The following PLCB4 variants were observed in gnomAD, a reference collection of about 807,000 sequenced individuals.
PLCB4 encodes the protein 1-phosphatidylinositol 4,5-bisphosphate phosphodiesterase beta-4.
Under a neutral mutation model 178.8 loss-of-function variants are expected in PLCB4, and 77 were observed. That is an observed-to-expected ratio of 0.43 (90% CI 0.36 to 0.52). PLCB4 has a LOEUF of 0.52. PLCB4 is among the 20% of genes least tolerant of loss of function. PLCB4 has a pLI of 0.00. For synonymous variants in PLCB4, 496 were observed against 490.8 expected (o/e 1.01, Z -0.14); for missense variants, 1,024 against 1,453.4 (o/e 0.70, Z 4.80).
chr20:9,339,167 C>T (rs1408111327), intron 7 of PLCB4, 130 bp downstream of exon 7: 3 of 748,482 alleles, frequency 4.0e-6, no homozygotes, highest in Non-Finnish European at 6.4e-6. Context: ...GCTTTGCTGA[C>T]ATGTTTCTGT....
chr20:9,264,827 C>T (rs1371229567), intron 3 of PLCB4, among the ~76,000 whole-genome samples: 3 of 152,238 alleles, frequency 2.0e-5, no homozygotes, highest in East Asian at 3.9e-4. Context: ...GCAGCCTGGA[C>T]TGTGGGATTT....
At chr20:9,085,650 C>T (rs999794505) in intron 1 of PLCB4, among the ~76,000 whole-genome samples, 4 of 152,136 alleles carry the variant, frequency 2.6e-5, no homozygotes, top group Non-Finnish European at 4.4e-5. Context: ...GCATTACTGC[C>T]TTGCTGACAC....
chr20:9,463,620 G>T (rs1175528317), intron 35 of PLCB4, among the ~76,000 whole-genome samples: 1 of 148,868 alleles, frequency 6.7e-6, no homozygotes, highest in Non-Finnish European at 1.5e-5. Context: ...AAAAAGCAGG[G>T]GTTGCAATCC....
chr20:9,198,224 G>A (rs1027647753), intron 2 of PLCB4, among the ~76,000 whole-genome samples: 1 of 152,054 alleles, frequency 6.6e-6, no homozygotes, highest in African/African-American at 2.4e-5. Context: ...CTATTATCTA[G>A]AAAGCAATGT....
intron 1 of PLCB4, among the ~76,000 whole-genome samples, chr20:9,080,199 C>T (rs567244032): frequency 5.9e-5 from 9 of 152,290 alleles, no homozygotes; most frequent in African/African-American, 2.2e-4. Flanking sequence ...GGCAGCAAGA[C>T]TCTGAAATTT....
At chr20:9,335,104 G>A (rs1393869719) in intron 4 of PLCB4, among the ~76,000 whole-genome samples, 5 of 152,064 alleles carry the variant, frequency 3.3e-5, no homozygotes, top group Non-Finnish European at 7.4e-5. Flanking sequence ...ACCATTTTAC[G>A]ATGTACTTTT....
At chr20:9,248,771 GT>G (rs2094150524) in intron 3 of PLCB4, among the ~76,000 whole-genome samples, 2 of 152,100 alleles carry the variant, frequency 1.3e-5, no homozygotes. Context: ...CCTTTATGAG[GT>G]TTTCTCTCAT....
intron 2 of PLCB4, among the ~76,000 whole-genome samples, chr20:9,216,489 T>C (rs1389502808): frequency 2.0e-5 from 3 of 152,042 alleles, no homozygotes; most frequent in Non-Finnish European, 4.4e-5. Flanking sequence ...AGTGCTGGGA[T>C]TACAGGCGTG....
chr20:9,399,801 T>G (rs571014546), intron 19 of PLCB4, among the ~76,000 whole-genome samples: 53 of 152,326 alleles, frequency 3.5e-4, no homozygotes, highest in African/African-American at 8.9e-4. Flanking sequence ...TAAATTAAAT[T>G]AAATGAAATG....
chr20:9,240,923 G>T (rs1311629014), intron 3 of PLCB4, among the ~76,000 whole-genome samples: 3 of 152,092 alleles, frequency 2.0e-5, no homozygotes, highest in Admixed American at 1.3e-4. Context: ...CCAGAACTTT[G>T]TTACTGCATT....
intron 2 of PLCB4, among the ~76,000 whole-genome samples, chr20:9,155,141 A>C: frequency 7.2e-6 from 1 of 138,516 alleles, no homozygotes; most frequent in Admixed American, 7.8e-5. Context: ...CCATTATATC[A>C]CTCTCTATGC....
chr20:9,320,870 G>A (rs893204711), intron 4 of PLCB4, among the ~76,000 whole-genome samples: 8 of 152,158 alleles, frequency 5.3e-5, no homozygotes, highest in African/African-American at 1.9e-4. Flanking sequence ...TACAGAATCA[G>A]AAACTCTGGG....
intron 28 of PLCB4, among the ~76,000 whole-genome samples, chr20:9,431,650 T>TG (rs2041413830): frequency 6.9e-6 from 1 of 144,160 alleles, no homozygotes. Context: ...GTGTGTGTGT[T>TG]TGTGTGTGTG....
chr20:9,396,929 G>A (rs1297599116), intron 19 of PLCB4, among the ~76,000 whole-genome samples: 1 of 152,152 alleles, frequency 6.6e-6, no homozygotes, highest in Non-Finnish European at 1.5e-5. Flanking sequence ...TGATCAGGGA[G>A]GCAGTTGCCA....
chr20:9,268,618 T>C (rs1174132005), intron 3 of PLCB4, among the ~76,000 whole-genome samples: 1 of 152,104 alleles, frequency 6.6e-6, no homozygotes, highest in African/African-American at 2.4e-5. Flanking sequence ...GATTTCTAGA[T>C]AAACATCAGT....
intron 7 of PLCB4, among the ~76,000 whole-genome samples, chr20:9,349,749 A>G (rs937629471): frequency 1.3e-5 from 2 of 152,248 alleles, no homozygotes; most frequent in African/African-American, 4.8e-5. Context: ...CACTAGAAGC[A>G]TAATGTGAAG....
At chr20:9,469,221 T>A (rs138353143) in intron 36 of PLCB4, among the ~76,000 whole-genome samples, 2,787 of 152,288 alleles carry the variant, frequency 0.018, 74 homozygotes, top group African/African-American at 0.064. Flanking sequence ...CCTCAAGTGA[T>A]CTGCCCGCCT....
At chr20:9,429,439 G>A (rs2041246511) in intron 28 of PLCB4, among the ~76,000 whole-genome samples, 1 of 152,194 alleles carries the variant, frequency 6.6e-6, no homozygotes, top group South Asian at 2.1e-4. Flanking sequence ...GAAGCCCAGT[G>A]AAATGTCATA....
At chr20:9,150,750 C>T (rs757625668) in intron 2 of PLCB4, among the ~76,000 whole-genome samples, 9 of 152,256 alleles carry the variant, frequency 5.9e-5, no homozygotes, top group South Asian at 4.1e-4. Context: ...AGATTCACTG[C>T]GAGCCTAGGC....
Sources: allele counts gnomAD v4.1 joint callset (sites outside exome capture counted in the v4.1 genomes callset), GRCh38; gene constraint gnomAD v4.1.1; transcripts MANE v1.5; gene names NCBI Gene and HGNC (gene_info 2026-07-23, HGNC 2026-07-21).